FCHSD2: variants seen among roughly 807,000 people sequenced by gnomAD.
FCHSD2 encodes FCH and double SH3 domains 2, also known as F-BAR and double SH3 domains protein 2.
FCHSD2 carries 38 observed loss-of-function variants against 108.1 expected under a neutral mutation model. The ratio of observed to expected loss-of-function variants is 0.35; its 90% CI spans 0.27 to 0.46. The LOEUF is 0.46. Ranked by LOEUF, FCHSD2 falls within the 20% of genes least tolerant of loss-of-function variation. The probability of loss-of-function intolerance (pLI) is 1.00; values close to 1 mark genes in which losing one functional copy is unlikely to be tolerated. For missense variants in FCHSD2, 751 were observed against 897.8 expected (o/e 0.84, Z 2.09); for synonymous variants, 279 against 314.7 (o/e 0.89, Z 1.20).
chr11:73,079,714 T>G (rs1318484618), intron 3 of FCHSD2, among the ~76,000 whole-genome samples: 1 of 152,036 alleles, frequency 6.6e-6, no homozygotes, highest in Non-Finnish European at 1.5e-5. Flanking sequence ...GTCTATATAC[T>G]CAGAAAATAA....
intron 2 of FCHSD2, among the ~76,000 whole-genome samples, chr11:73,116,593 T>G (rs1190488368): frequency 6.6e-6 from 1 of 152,084 alleles, no homozygotes; most frequent in Admixed American, 6.6e-5. Context: ...CATGCTGGAG[T>G]GCAGTTGTGT....
intron 14 of FCHSD2, among the ~76,000 whole-genome samples, chr11:72,847,524 A>G (rs1861178369): frequency 6.6e-6 from 1 of 152,174 alleles, no homozygotes; most frequent in Non-Finnish European, 1.5e-5. Flanking sequence ...GAAATATGAA[A>G]ACTAAGATTA....
intron 9 of FCHSD2, among the ~76,000 whole-genome samples, chr11:72,909,912 C>A (rs547696275): frequency 1.3e-5 from 2 of 150,414 alleles, no homozygotes; most frequent in African/African-American, 4.9e-5. Flanking sequence ...GCACCTCTGC[C>A]CGGCTGCCCA....
chr11:72,945,081 T>C (rs987718711), intron 8 of FCHSD2, among the ~76,000 whole-genome samples: 120 of 152,212 alleles, frequency 7.9e-4, no homozygotes, highest in African/African-American at 2.8e-3. Flanking sequence ...AAAAAGAGCC[T>C]GCATTGCCAA....
chr11:72,864,754 A>T (rs1484544328), intron 13 of FCHSD2, among the ~76,000 whole-genome samples: 3 of 152,238 alleles, frequency 2.0e-5, no homozygotes, highest in African/African-American at 7.2e-5. Flanking sequence ...GAATTAATAT[A>T]ATATCAAAAG....
intron 13 of FCHSD2, among the ~76,000 whole-genome samples, chr11:72,866,047 C>G (rs1267926830): frequency 6.6e-6 from 1 of 152,064 alleles, no homozygotes; most frequent in Non-Finnish European, 1.5e-5. Context: ...TATGGCCCCT[C>G]AATTGATTTG....
At chr11:73,135,541 T>C (rs1476315647) in intron 2 of FCHSD2, among the ~76,000 whole-genome samples, 1 of 152,132 alleles carries the variant, frequency 6.6e-6, no homozygotes, top group Non-Finnish European at 1.5e-5. Context: ...ACACAGACTC[T>C]AGTATGTAGA....
chr11:72,853,097 G>A (rs1861333634), intron 13 of FCHSD2, among the ~76,000 whole-genome samples: 1 of 152,108 alleles, frequency 6.6e-6, no homozygotes, highest in Non-Finnish European at 1.5e-5. Context: ...CATGACACGA[G>A]TTTACCTATA....
Position 72,985,357 on chromosome 11 carries a change from CAA to C in FCHSD2, c.522-243_522-242del, listed in dbSNP as rs35241897. The stretch of plus-strand genomic sequence containing the variant: ...ATATAAGACAAATATCCAGAATGAC[CAA>C]AAAAAAAAAAAAAAAAACTTGACCA... On this transcript the variant is annotated intron_variant, in intron 6 of 19. Transcript: ENST00000409418. Among the ~76,000 whole-genome samples the C allele has an allele frequency of 7.7e-3, 367 of 47,390 alleles. 2 individuals are homozygous for C. Among genetic ancestry groups the C allele is most frequent in the African/African-American group, 0.026 (350 of 13,690 alleles). 31.1% of individuals were successfully genotyped at this position (47,390 alleles called of 152,430 possible). A position where few individuals can be genotyped will look rare whatever the true frequency, so the allele number is the denominator to read the frequency against.
chr11:73,089,659 C>A (rs1037648891), intron 2 of FCHSD2, among the ~76,000 whole-genome samples: 1 of 152,074 alleles, frequency 6.6e-6, no homozygotes, highest in South Asian at 2.1e-4. Flanking sequence ...AATAACATTA[C>A]GCTAAGTGAA....
chr11:72,842,512 G>A (rs1369029306), intron 17 of FCHSD2, 109 bp downstream of exon 17: 14 of 1,326,418 alleles, frequency 1.1e-5, no homozygotes, highest in South Asian at 4.2e-5. Flanking sequence ...ACCAAGGACC[G>A]GTGAGGGTAA....
chr11:73,083,925 A>C (rs971857347), intron 2 of FCHSD2, among the ~76,000 whole-genome samples, 185 bp from the exon 3 acceptor site: 3 of 152,206 alleles, frequency 2.0e-5, no homozygotes, highest in African/African-American at 7.2e-5. Context: ...ATCTACATTC[A>C]AACCCCAGCT....
chr11:73,137,568 A>G (rs1348170000), intron 2 of FCHSD2, among the ~76,000 whole-genome samples: 1 of 152,244 alleles, frequency 6.6e-6, no homozygotes, highest in Non-Finnish European at 1.5e-5. Flanking sequence ...AGATACAAAA[A>G]TGAATAATAG....
chr11:73,112,067 CTTACTA>C (rs1325714871), intron 2 of FCHSD2, among the ~76,000 whole-genome samples: 1 of 152,162 alleles, frequency 6.6e-6, no homozygotes, highest in Non-Finnish European at 1.5e-5. Context: ...TTTCTGTGTA[CTTACTA>C]TTACCAGTGA....
intron 3 of FCHSD2, among the ~76,000 whole-genome samples, chr11:73,018,525 T>A (rs1858024230): frequency 6.6e-6 from 1 of 152,092 alleles, no homozygotes; most frequent in South Asian, 2.1e-4. Flanking sequence ...GTCTTTTTTT[T>A]TTTTTTTTAA....
At chr11:72,903,248 G>C (rs1855563972) in intron 9 of FCHSD2, among the ~76,000 whole-genome samples, 2 of 151,914 alleles carry the variant, frequency 1.3e-5, no homozygotes, top group South Asian at 4.2e-4. Context: ...GACGAGTCTC[G>C]CTCTGTCGCC....
intron 8 of FCHSD2, among the ~76,000 whole-genome samples, chr11:72,950,896 T>C (rs1418641561): frequency 3.3e-5 from 5 of 152,206 alleles, no homozygotes; most frequent in Admixed American, 6.5e-5. Context: ...TGCTGTGAGA[T>C]TGACCACGTG....
intron 2 of FCHSD2, among the ~76,000 whole-genome samples, chr11:73,107,539 T>A (rs1860375490): frequency 6.6e-6 from 1 of 152,170 alleles, no homozygotes; most frequent in African/African-American, 2.4e-5. Context: ...AAATACTACT[T>A]CTTATTCTAA....
intron 8 of FCHSD2, among the ~76,000 whole-genome samples, chr11:72,948,790 C>T (rs1033823104): frequency 3.2e-4 from 48 of 151,890 alleles, no homozygotes; most frequent in Admixed American, 2.9e-3. Flanking sequence ...CTCAGTCTCC[C>T]GAGTAGCTGG....
Sources: gnomAD v4.1 joint callset for allele counts (sites outside exome capture counted in the v4.1 genomes callset) on GRCh38, gnomAD v4.1.1 for gene constraint, MANE v1.5 for transcripts, NCBI Gene and HGNC (gene_info 2026-07-23, HGNC 2026-07-21) for gene names.